SYCN: variants seen among roughly 807,000 people sequenced by gnomAD.
SYCN encodes syncollin.
In SYCN, 16 loss-of-function variants were observed where a neutral mutation model predicts 12.6. The observed-to-expected ratio is 1.27, with a 90% CI of 0.86 to 1.92. The LOEUF (loss-of-function observed/expected upper bound fraction) is 1.92. Among genes scored for constraint, SYCN ranks in the 30% most tolerant of loss-of-function variants. The pLI, the probability that SYCN is intolerant of heterozygous loss-of-function variation, is 0.00. For synonymous variants in SYCN, 97 were observed against 88.4 expected (o/e 1.10, Z -0.55); for missense variants, 226 against 181.8 (o/e 1.24, Z -1.40).
chr19:39,204,126 G>C lies in SYCN; in HGVS notation c.129C>G (p.Asp43Glu), dbSNP rs1358536467. ...DGTRTCAKLY[D>E]KSDPYYENCC... The stretch of plus-strand genomic sequence containing the variant: ...AGTTCTCATAGTAGGGGTCGCTCTT[G>C]TCATAGAGCTTGGCGCAAGTGCGCG... Residue 43 changes from aspartate (D) to glutamate (E), a missense_variant, in exon 1 of 2, where the codon GAC becomes GAG. Physicochemically the swap from Asp to Glu is conservative, Grantham distance 45. Coordinates refer to ENST00000318438, the MANE Select transcript of SYCN (RefSeq NM_001080468.4). 6.2e-7 allele frequency: 1 copy of C among 1,613,004 alleles called. No individual in the cohort carries two copies. The highest frequency in any genetic ancestry group is 8.5e-7 in the Non-Finnish European group (1 of 1,179,724).
chr19:39,203,745 A>G, intron 1 of SYCN, 115 bp downstream of exon 1: 1 of 1,256,974 alleles, frequency 8.0e-7, no homozygotes, highest in Non-Finnish European at 1.1e-6. Context: ...TCCCTGTTAC[A>G]GTCGGGAGCT....
chr19:39,203,683 T>C (rs1027623677), intron 1 of SYCN, among the ~76,000 whole-genome samples, 177 bp downstream of exon 1: 1 of 151,394 alleles, frequency 6.6e-6, no homozygotes, highest in African/African-American at 2.4e-5. Flanking sequence ...CTGGTTTGGG[T>C]GAGGACTCTG....
Position 39,204,241 on chromosome 19 carries a change from C to G in SYCN, c.14G>C (p.Arg5Pro). 3 of 1,572,920 alleles carry G rather than the reference C, an allele frequency of 1.9e-6. No homozygotes were observed. The highest frequency in any genetic ancestry group is 2.6e-6 in the Non-Finnish European group (3 of 1,164,752). ...AAGGGCCAGGGCCAGCAGCAGCGGG[C>G]GCAGCGGGGACATGGTGGCAGTGCC... MSPL[R>P]PLLLALALAS... Residue 5 changes from arginine (R) to proline (P), a missense_variant, in exon 1 of 2, where the codon CGC becomes CCC. By Grantham distance (103) the Arg-to-Pro change is moderately radical (BLOSUM62 -2). Coordinates refer to ENST00000318438, the MANE Select transcript of SYCN (RefSeq NM_001080468.4).
rs1278685477 is a variant in SYCN at position 39,204,200 on chromosome 19, C to A, written c.55G>T (p.Ala19Ser). Reference sequence around the variant, plus strand: ...GCGGAGGCGGGGCAGGCGCCCTGGGCGCAAGGCACGGAGGCAAGGGCCAGG... The same window carrying A: ...GCGGAGGCGGGGCAGGCGCCCTGGGAGCAAGGCACGGAGGCAAGGGCCAGG... Reference protein sequence around the residue: ...LALALASVPCAQGACPASADL... With the variant: ...LALALASVPCSQGACPASADL... Residue 19 changes from alanine to serine, a missense_variant, in exon 1 of 2, where the codon GCC becomes TCC. Coordinates refer to ENST00000318438, the MANE Select transcript of SYCN (RefSeq NM_001080468.4). 6.2e-7 allele frequency: 1 copy of A among 1,608,614 alleles called. No homozygotes were observed. The highest frequency in any genetic ancestry group is 1.3e-5 in the African/African-American group (1 of 74,874).
At position 39,204,088 on chromosome 19, in the gene SYCN, G is replaced by A; in HGVS notation, c.167C>T (p.Ala56Val). ...TGCGCCCGACTCCAGCGACAGCTCG[G>A]CGCCCCCGCAGCAGTTCTCATAGTA... ...DPYYENCCGGAELSLESGADL... is the reference protein window; with the variant it reads ...DPYYENCCGGVELSLESGADL... The change falls in exon 1 of 2, where the codon GCC becomes GTC. Residue 56 changes from alanine (A) to valine (V), a missense_variant. Coordinates refer to ENST00000318438, the MANE Select transcript of SYCN (RefSeq NM_001080468.4). 1 of 1,613,020 alleles carries A rather than the reference G, an allele frequency of 6.2e-7. No individual in the cohort carries two copies.
In SYCN at chr19:39,204,054, G is replaced by C; in HGVS notation, c.201C>G (p.Pro67=). 6.2e-7 allele frequency: 1 copy of C among 1,612,880 alleles called. No individual in the cohort carries two copies. The highest frequency in any genetic ancestry group is 8.5e-7 in the Non-Finnish European group (1 of 1,179,482). ...ELSLESGADL[P]YLPSNWANTA... is the part of the protein sequence containing the mutation. ...TGTTGGCCCAGTTGGAGGGCAGGTA[G>C]GGCAGGTCTGCGCCCGACTCCAGCG... The change falls in exon 1 of 2, where the codon CCC becomes CCG. Residue 67 remains proline, a synonymous_variant. Coordinates refer to ENST00000318438, the MANE Select transcript of SYCN (RefSeq NM_001080468.4).
At position 39,202,948 on chromosome 19, in the gene SYCN, G is replaced by A. The variant is rs373594985; in HGVS notation, c.*39C>T. 1,077 of 1,575,550 alleles carry A rather than the reference G, an allele frequency of 6.8e-4. 4 individuals are homozygous for A. Among genetic ancestry groups the A allele is most frequent in the Middle Eastern group, 2.2e-3 (13 of 6,014 alleles). ...AGGGATGGGCTGAGTGAGGGGCTTG[G>A]CACTCTGTGGAAGCTGCAGATGAGA... On this transcript the variant is annotated 3_prime_UTR_variant, in exon 2 of 2. Coordinates refer to ENST00000318438, the MANE Select transcript of SYCN (RefSeq NM_001080468.4).
Position 39,203,925 on chromosome 19 carries a change from G to C in SYCN, c.330C>G (p.Arg110=). The C allele has an allele frequency of 6.2e-7, 1 of 1,611,556 alleles. No homozygotes were observed. ...THKFSAGTYP[R]LEEYRRGILG... ...AGATGCCCCGGCGGTACTCCTCCAG[G>C]CGCGGGTAGGTGCCGGCAGAGAACT... Residue 110 remains arginine (R), a synonymous_variant, in exon 1 of 2, where the codon CGC becomes CGG. Coordinates refer to ENST00000318438, the MANE Select transcript of SYCN (RefSeq NM_001080468.4).
At chr19:39,203,727 C>T in intron 1 of SYCN, 133 bp downstream of exon 1, 1 of 1,099,908 alleles carries the variant, frequency 9.1e-7, no homozygotes, top group Non-Finnish European at 1.3e-6. Flanking sequence ...TCTAGGGAGG[C>T]CTGGTGCTCC....
At position 39,203,868 on chromosome 19, in the gene SYCN, G is replaced by T. The variant is rs774794407; in HGVS notation, c.387C>A (p.Leu129=). 9 of 1,592,348 alleles carry T rather than the reference G, an allele frequency of 5.7e-6. No individual in the cohort carries two copies. The highest frequency in any genetic ancestry group is 7.7e-6 in the Non-Finnish European group (9 of 1,166,778). The change falls in exon 1 of 2, where the codon CTC becomes CTA. Residue 129 remains leucine (L), a synonymous_variant. Transcript: ENST00000318438. The part of the protein sequence containing the change: ...LGDWSNAISA[L]YCRCS ...TTTGGGCGGCCGGGCACCTGCAGTA[G>T]AGCGCGGAGATAGCGTTGGACCAGT...
Position 39,203,884 on chromosome 19 carries a change from T to G in SYCN, c.371A>C (p.Asn124Thr). ...YRRGILGDWSNAISALYCRCS is the reference protein window; with the variant it reads ...YRRGILGDWSTAISALYCRCS ...CCTGCAGTAGAGCGCGGAGATAGCG[T>G]TGGACCAGTCTCCTAAGATGCCCCG... Residue 124 changes from asparagine (N) to threonine (T), a missense_variant, in exon 1 of 2, where the codon AAC becomes ACC. Coordinates refer to ENST00000318438, the MANE Select transcript of SYCN (RefSeq NM_001080468.4). 1 of 1,608,196 alleles carries G rather than the reference T, an allele frequency of 6.2e-7. No homozygotes were observed. Among genetic ancestry groups the G allele is most frequent in the Admixed American group, 1.7e-5 (1 of 59,638 alleles).
chr19:39,203,938 C>A lies in SYCN; in HGVS notation c.317G>T (p.Gly106Val), dbSNP rs1309270678. ...GTACTCCTCCAGGCGCGGGTAGGTG[C>A]CGGCAGAGAACTTGTGCGTCTTGCC... Reference protein sequence around the residue: ...KAGKTHKFSAGTYPRLEEYRR... With the variant: ...KAGKTHKFSAVTYPRLEEYRR... Residue 106 changes from glycine (G) to valine (V), a missense_variant, in exon 1 of 2, where the codon GGC (glycine) becomes GTC (valine). Physicochemically the swap from Gly to Val is moderately radical, Grantham distance 109 (BLOSUM62 -3). Transcript: ENST00000318438. 1 of 1,610,498 alleles carries A rather than the reference C, an allele frequency of 6.2e-7. No individual in the cohort carries two copies. The highest frequency in any genetic ancestry group is 8.5e-7 in the Non-Finnish European group (1 of 1,178,552).
In SYCN at chr19:39,202,942, G is replaced by A. The variant is rs537082755; in HGVS notation, c.*45C>T. ...GAGCCCAGGGATGGGCTGAGTGAGG[G>A]GCTTGGCACTCTGTGGAAGCTGCAG... On this transcript the variant is annotated 3_prime_UTR_variant, in exon 2 of 2. Coordinates refer to ENST00000318438, the MANE Select transcript of SYCN (RefSeq NM_001080468.4). 3 of 1,572,924 alleles carry A rather than the reference G, an allele frequency of 1.9e-6. No homozygotes were observed. Among genetic ancestry groups the A allele is most frequent in the African/African-American group, 2.7e-5 (2 of 74,018 alleles).
Position 39,203,987 on chromosome 19 carries a change from C to CGGTGAGCT in SYCN, c.260_267dup (p.Val90SerfsTer33). The stretch of plus-strand genomic sequence containing the variant: ...CCCGCCTTGCCTTGCCGGGACCACA[C>CGGTGAGCT]GGTGAGCTCGCAGCGCGGGGCCACC... On this transcript the variant is annotated frameshift_variant, in exon 1 of 2. Transcript: ENST00000318438. LOFTEE classifies it high-confidence loss of function. The CGGTGAGCT allele has an allele frequency of 6.2e-7, 1 of 1,609,760 alleles. No individual in the cohort carries two copies. Among genetic ancestry groups the CGGTGAGCT allele is most frequent in the Middle Eastern group, 1.7e-4 (1 of 6,046 alleles).
chr19:39,203,001 A>AGT lies in SYCN; in HGVS notation c.396-6_396-5insAC. On this transcript the variant is annotated splice_region_variant and splice_polypyrimidine_tract_variant and intron_variant, in intron 1 of 1. Coordinates refer to ENST00000318438, the MANE Select transcript of SYCN (RefSeq NM_001080468.4). ...CCAGCAATGCATCAGCTGCACCTGA[A>AGT]ATGTAATCAAGAATTCCTTCCAGGG... The AGT allele has an allele frequency of 6.4e-7, 1 of 1,573,912 alleles. No homozygotes were observed. The highest frequency in any genetic ancestry group is 8.6e-7 in the Non-Finnish European group (1 of 1,160,138).
chr19:39,203,835 C>A, intron 1 of SYCN, 25 bp downstream of exon 1: 1 of 1,560,748 alleles, frequency 6.4e-7, no homozygotes, highest in Admixed American at 1.8e-5. Context: ...CTGGGGTGGG[C>A]TCGGAGCTTT....
chr19:39,204,100 C>T lies in SYCN; in HGVS notation c.155G>A (p.Cys52Tyr). 1 of 1,613,162 alleles carries T rather than the reference C, an allele frequency of 6.2e-7. No homozygotes were observed. Among genetic ancestry groups the T allele is most frequent in the Non-Finnish European group, 8.5e-7 (1 of 1,179,682 alleles). The change falls in exon 1 of 2, where the codon TGC becomes TAC. Residue 52 changes from cysteine to tyrosine, a missense_variant. Coordinates refer to ENST00000318438, the MANE Select transcript of SYCN (RefSeq NM_001080468.4). ...YDKSDPYYENCCGGAELSLES... is the reference protein window; with the variant it reads ...YDKSDPYYENYCGGAELSLES... ...CAGCGACAGCTCGGCGCCCCCGCAGCAGTTCTCATAGTAGGGGTCGCTCTT... is the reference window on the plus strand; with the variant it reads ...CAGCGACAGCTCGGCGCCCCCGCAGTAGTTCTCATAGTAGGGGTCGCTCTT...
chr19:39,204,259 G>T lies in SYCN; in HGVS notation c.-5C>A. ...CAGCGGGCGCAGCGGGGACATGGTG[G>T]CAGTGCCCTGCCGCAGCCCCGCGCG... On this transcript the variant is annotated 5_prime_UTR_variant, in exon 1 of 2. Coordinates refer to ENST00000318438, the MANE Select transcript of SYCN (RefSeq NM_001080468.4). 6.5e-7 allele frequency: 1 copy of T among 1,527,952 alleles called. No individual in the cohort carries two copies. The highest frequency in any genetic ancestry group is 1.3e-5 in the South Asian group (1 of 79,762). 94.6% of individuals were successfully genotyped at this position (1,527,952 alleles called of 1,614,324 possible). A position where few individuals can be genotyped will look rare whatever the true frequency, so the allele number is the denominator to read the frequency against.
At chr19:39,203,181 G>C (rs966656654) in intron 1 of SYCN, among the ~76,000 whole-genome samples, 185 bp from the exon 2 acceptor site, 1 of 151,780 alleles carries the variant, frequency 6.6e-6, no homozygotes, top group Non-Finnish European at 1.5e-5. Context: ...GACAGGAGTG[G>C]CTGGGGAGGG....
Sources: allele counts gnomAD v4.1 joint callset (sites outside exome capture counted in the v4.1 genomes callset), GRCh38; gene constraint gnomAD v4.1.1; transcripts MANE v1.5; gene names NCBI Gene and HGNC (gene_info 2026-07-23, HGNC 2026-07-21).